Variants in GAN observed in about 807,000 individuals in gnomAD.
GAN encodes epididymis secretory sperm binding protein.
In GAN, 48 loss-of-function variants were observed where a neutral mutation model predicts 71.3. The observed-to-expected ratio is 0.67, with a 90% CI of 0.53 to 0.86. GAN has a LOEUF of 0.86. GAN is among the 40% of genes least tolerant of loss of function. GAN has a pLI of 0.00. For synonymous variants in GAN, 386 were observed against 276.8 expected (o/e 1.39, Z -3.92); for missense variants, 928 against 770.1 (o/e 1.21, Z -2.43).
At chr16:81,338,532 A>C (rs1266248402) in intron 1 of GAN, among the ~76,000 whole-genome samples, 1 of 152,210 alleles carries the variant, frequency 6.6e-6, no homozygotes, top group Non-Finnish European at 1.5e-5. Context: ...TTCTAGATAA[A>C]AAAGGGAAAT....
chr16:81,344,873 C>A (rs559312659), intron 1 of GAN, among the ~76,000 whole-genome samples: 45 of 152,194 alleles, frequency 3.0e-4, no homozygotes, highest in Middle Eastern at 3.4e-3. Context: ...GGCTAATATC[C>A]AGAATCTACA....
At chr16:81,364,512 C>G (rs2125201) in intron 7 of GAN, among the ~76,000 whole-genome samples, 102,479 of 151,954 alleles carry the variant, frequency 0.67, 35,083 homozygotes, top group East Asian at 0.94. Flanking sequence ...AGCGATCCCC[C>G]ATCTCTACAA....
At chr16:81,342,846 T>C (rs1909991073) in intron 1 of GAN, among the ~76,000 whole-genome samples, 2 of 152,174 alleles carry the variant, frequency 1.3e-5, no homozygotes, top group South Asian at 4.1e-4. Context: ...GGAACTGGTT[T>C]TTTGAAAAGA....
At chr16:81,351,288 C>G (rs955498662) in intron 1 of GAN, among the ~76,000 whole-genome samples, 2 of 152,090 alleles carry the variant, frequency 1.3e-5, no homozygotes, top group African/African-American at 4.8e-5. Flanking sequence ...GAAAATAAGC[C>G]TAAAGGGACT....
rs903363207 is a variant in GAN, at chr16:81,315,059, G to T, written c.-55G>T. 7.9e-6 allele frequency: 11 copies of T among 1,389,410 alleles called. No individual in the cohort carries two copies. In the Admixed American group the frequency reaches 3.1e-4, roughly 39 times the overall value. 86.1% of individuals were successfully genotyped at this position (1,389,410 alleles called of 1,614,324 possible). ...GCGCAGGACTCGGGCCGCTCGAGGGGTCCGGCCGGACGGTGTCGGGAGCCG... is the reference window on the plus strand; with the variant it reads ...GCGCAGGACTCGGGCCGCTCGAGGGTTCCGGCCGGACGGTGTCGGGAGCCG... On this transcript the variant is annotated 5_prime_UTR_variant, in exon 1 of 11. Transcript: ENST00000648994.
Position 81,389,029 on chromosome 16 carries a change from TAAG to T in GAN, c.*11437_*11439del, listed in dbSNP as rs1238738925. ...GGCGGGCAAAAGGGTATCATCAGCT[TAAG>T]AAGTAAAGAAGTGAGCCTTCCATTT... On this transcript the variant is annotated 3_prime_UTR_variant, in exon 11 of 11. Coordinates refer to ENST00000648994, the MANE Select transcript of GAN (RefSeq NM_022041.4). 1.3e-5 allele frequency: 2 copies of T among 152,238 alleles called. No individual in the cohort carries two copies. The highest frequency in any genetic ancestry group is 4.8e-5 in the African/African-American group (2 of 41,456). The allele number at this position is 152,238 out of a possible 1,614,324, so 9.4% of individuals were successfully genotyped here.
At chr16:81,337,726 C>T (rs1909810602) in intron 1 of GAN, among the ~76,000 whole-genome samples, 1 of 152,134 alleles carries the variant, frequency 6.6e-6, no homozygotes, top group African/African-American at 2.4e-5. Context: ...TTCTTATGTC[C>T]TTTTTTCCAT....
intron 1 of GAN, among the ~76,000 whole-genome samples, chr16:81,345,246 A>T (rs1910079165): frequency 6.6e-6 from 1 of 152,214 alleles, no homozygotes; most frequent in Non-Finnish European, 1.5e-5. Flanking sequence ...CAATCCCATT[A>T]CTGGGCGTAT....
In GAN at chr16:81,387,513, G is replaced by C. The variant is rs1904438189; in HGVS notation, c.*9917G>C. 6.6e-6 allele frequency: 1 copy of C among 152,502 alleles called. No individual in the cohort carries two copies. The highest frequency in any genetic ancestry group is 1.5e-5 in the Non-Finnish European group (1 of 68,338). 9.4% of individuals were successfully genotyped at this position (152,502 alleles called of 1,614,324 possible). Reference sequence around the variant, plus strand: ...CTGCCTGTGTGTCCTGACCCCTCTTGCCTTGTTTTTGATCTGCTCAGGCCG... The same window carrying C: ...CTGCCTGTGTGTCCTGACCCCTCTTCCCTTGTTTTTGATCTGCTCAGGCCG... On this transcript the variant is annotated 3_prime_UTR_variant, in exon 11 of 11. Coordinates refer to ENST00000648994, the MANE Select transcript of GAN (RefSeq NM_022041.4).
At chr16:81,331,650 C>T (rs909278872) in intron 1 of GAN, among the ~76,000 whole-genome samples, 1 of 152,226 alleles carries the variant, frequency 6.6e-6, no homozygotes, top group Non-Finnish European at 1.5e-5. Context: ...ACGTCCCACC[C>T]TGTCCCCTCA....
intron 9 of GAN, among the ~76,000 whole-genome samples, chr16:81,370,887 G>A (rs1310441896): frequency 6.6e-6 from 1 of 152,184 alleles, no homozygotes; most frequent in Non-Finnish European, 1.5e-5. Flanking sequence ...TAGAATTCTA[G>A]ATTACTTATG....
rs918532960 is a variant in GAN, at chr16:81,341,768, A to C, written c.168-9815A>C. 5.3e-5 allele frequency among the ~76,000 whole-genome samples: 8 copies of C among 152,346 alleles called. No homozygotes were observed. In the East Asian group the frequency reaches 7.7e-4, roughly 15 times the overall value. ...AGCTAGCATCATAGTGACAGGATCA[A>C]ATTCACACATAAGAATATTAACCTT... On this transcript the variant is annotated intron_variant, in intron 1 of 10. Coordinates refer to ENST00000648994, the MANE Select transcript of GAN (RefSeq NM_022041.4).
At chr16:81,368,101 T>TG in intron 9 of GAN, among the ~76,000 whole-genome samples, 1 of 152,168 alleles carries the variant, frequency 6.6e-6, no homozygotes, top group East Asian at 1.9e-4. Context: ...TAAAACTTTC[T>TG]GGGAAAAAAG....
At chr16:81,351,842 G>C (rs1324084242) in intron 2 of GAN, 145 bp downstream of exon 2, 11 of 703,462 alleles carry the variant, frequency 1.6e-5, no homozygotes, top group African/African-American at 7.0e-5. Flanking sequence ...TTTCCTACTG[G>C]TAATGGCACC....
chr16:81,356,393 C>G (rs78680933), intron 3 of GAN, among the ~76,000 whole-genome samples: 4,338 of 152,000 alleles, frequency 0.029, 105 homozygotes, highest in Non-Finnish European at 0.046. Context: ...TTGTATTGAG[C>G]TATTACTGTA....
At position 81,315,647 on chromosome 16, in the gene GAN, C is replaced by T. The variant is rs553416418; in HGVS notation, c.167+367C>T. Reference sequence around the variant, plus strand: ...CGTCCTGGGCCGGCCGGGACCCGCACCTGCGGGCTGGGCGAGGCCGCGCCG... The same window carrying T: ...CGTCCTGGGCCGGCCGGGACCCGCATCTGCGGGCTGGGCGAGGCCGCGCCG... On this transcript the variant is annotated intron_variant, in intron 1 of 10. Transcript: ENST00000648994. 5.9e-3 allele frequency among the ~76,000 whole-genome samples: 893 copies of T among 152,248 alleles called. 27 individuals carry two copies. The highest frequency in any genetic ancestry group is 0.054 in the Admixed American group (826 of 15,298).
chr16:81,373,573 C>T (rs1904274436), intron 9 of GAN, among the ~76,000 whole-genome samples: 1 of 152,174 alleles, frequency 6.6e-6, no homozygotes, highest in Non-Finnish European at 1.5e-5. Context: ...GTAGTACAAG[C>T]ATCAAAACCA....
At chr16:81,370,044 C>T (rs1365430693) in intron 9 of GAN, among the ~76,000 whole-genome samples, 1 of 152,218 alleles carries the variant, frequency 6.6e-6, no homozygotes, top group African/African-American at 2.4e-5. Flanking sequence ...GTATTTTCTT[C>T]ATACCAATTT....
chr16:81,356,810 C>T lies in GAN; in HGVS notation c.659C>T (p.Ala220Val). 1.2e-6 allele frequency: 2 copies of T among 1,612,990 alleles called. No individual in the cohort carries two copies. Among genetic ancestry groups the T allele is most frequent in the East Asian group, 4.5e-5 (2 of 44,874 alleles). ...GTCCACATGAAGGATGTTATGTCAGCTCTGTGGGTTTCAGGGTTGGACTCC... is the reference window on the plus strand; with the variant it reads ...GTCCACATGAAGGATGTTATGTCAGTTCTGTGGGTTTCAGGGTTGGACTCC... ...RKVHMKDVMSALWVSGLDSSY... is the reference protein window; with the variant it reads ...RKVHMKDVMSVLWVSGLDSSY... Residue 220 changes from alanine to valine, a missense_variant, in exon 4 of 11, where the codon GCT becomes GTT. By Grantham distance (64) the Ala-to-Val change is moderately conservative. Coordinates refer to ENST00000648994, the MANE Select transcript of GAN (RefSeq NM_022041.4).
Sources: gnomAD v4.1 joint callset for allele counts (sites outside exome capture counted in the v4.1 genomes callset) on GRCh38, gnomAD v4.1.1 for gene constraint, MANE v1.5 for transcripts, NCBI Gene and HGNC (gene_info 2026-07-23, HGNC 2026-07-21) for gene names.